CDC42BPA: variants seen among roughly 807,000 people sequenced by gnomAD.
CDC42BPA encodes the protein CDC42 binding protein kinase alpha.
In CDC42BPA, 80 loss-of-function variants were observed where a neutral mutation model predicts 223.5. The ratio of observed to expected loss-of-function variants is 0.36; its 90% confidence interval spans 0.30 to 0.43. The LOEUF (loss-of-function observed/expected upper bound fraction) is 0.43, where lower values mean the gene tolerates loss of function less well. Ranked by LOEUF, CDC42BPA falls within the 20% of genes least tolerant of loss-of-function variation. CDC42BPA has a pLI of 1.00. For synonymous variants in CDC42BPA, 694 were observed against 718.6 expected (o/e 0.97, Z 0.55); for missense variants, 1,743 against 2,099.9 (o/e 0.83, Z 3.32).
At chr1:227,230,537 C>T (rs895706258) in intron 2 of CDC42BPA, among the ~76,000 whole-genome samples, 9 of 152,002 alleles carry the variant, frequency 5.9e-5, no homozygotes, top group African/African-American at 2.2e-4. Context: ...AGATCTTATG[C>T]ATTGTTAGGT....
intron 2 of CDC42BPA, among the ~76,000 whole-genome samples, chr1:227,241,762 G>T (rs889520350): frequency 4.6e-5 from 7 of 152,114 alleles, no homozygotes; most frequent in Admixed American, 2.6e-4. Flanking sequence ...AAACCTCAAG[G>T]AACTGTATAT....
intron 10 of CDC42BPA, among the ~76,000 whole-genome samples, chr1:227,132,452 G>C (rs1479658419): frequency 1.4e-5 from 2 of 144,468 alleles, no homozygotes; most frequent in Non-Finnish European, 3.1e-5. Flanking sequence ...GCCCAGGCTG[G>C]AGTGCAGTGG....
At position 227,043,734 on chromosome 1, in the gene CDC42BPA, G is replaced by A. The variant is rs140400640; in HGVS notation, c.3094-3498C>T. Among the ~76,000 whole-genome samples, 289 of 152,176 alleles carry A rather than the reference G, an allele frequency of 1.9e-3. 2 individuals are homozygous for A. The highest frequency in any genetic ancestry group is 6.5e-3 in the African/African-American group (270 of 41,524). Reference sequence around the variant, plus strand: ...GTATGTGTTTTTAATTTATATAAATGTGTTTCTGTTATATATCAATTACAT... The same window carrying A: ...GTATGTGTTTTTAATTTATATAAATATGTTTCTGTTATATATCAATTACAT... On this transcript the variant is annotated intron_variant, in intron 23 of 36. Transcript: ENST00000366766.
intron 1 of CDC42BPA, among the ~76,000 whole-genome samples, chr1:227,289,169 T>A (rs992366213): frequency 5.3e-5 from 8 of 152,178 alleles, no homozygotes; most frequent in African/African-American, 1.7e-4. Context: ...GTTACCCTTT[T>A]AAAGCATAAA....
chr1:227,175,627 T>C (rs1666820485), intron 5 of CDC42BPA, among the ~76,000 whole-genome samples: 2 of 151,880 alleles, frequency 1.3e-5, no homozygotes, highest in Admixed American at 6.6e-5. Flanking sequence ...ATCTGATGAG[T>C]TTCTATTTCT....
intron 5 of CDC42BPA, among the ~76,000 whole-genome samples, chr1:227,191,065 C>T (rs773444462): frequency 3.9e-5 from 6 of 152,022 alleles, no homozygotes; most frequent in Non-Finnish European, 8.8e-5. Context: ...AATTCAAGGC[C>T]GGGCACGGTG....
At chr1:227,054,881 A>C (rs988571094) in intron 21 of CDC42BPA, among the ~76,000 whole-genome samples, 2 of 152,064 alleles carry the variant, frequency 1.3e-5, no homozygotes, top group African/African-American at 4.8e-5. Context: ...TTTTAGAACT[A>C]TATACTCTTA....
At chr1:227,004,879 C>A in intron 35 of CDC42BPA, 115 bp downstream of exon 35, 1 of 811,948 alleles carries the variant, frequency 1.2e-6, no homozygotes, top group Non-Finnish European at 2.2e-6. Flanking sequence ...ACTGCAGCCA[C>A]TTGAGAATGC....
At chr1:227,029,910 G>A (rs143865151) in intron 29 of CDC42BPA, among the ~76,000 whole-genome samples, 1,565 of 151,756 alleles carry the variant, frequency 0.01, 26 homozygotes, top group African/African-American at 0.036. Flanking sequence ...CAAGGCGGGT[G>A]GATCACCTGA....
chr1:227,001,194 G>T (rs1341252963), intron 35 of CDC42BPA, among the ~76,000 whole-genome samples: 3 of 152,212 alleles, frequency 2.0e-5, no homozygotes, highest in Non-Finnish European at 4.4e-5. Flanking sequence ...AACATAGTTG[G>T]CCTGTTCCTC....
intron 32 of CDC42BPA, among the ~76,000 whole-genome samples, chr1:227,018,350 T>G (rs780145648): frequency 1.3e-5 from 2 of 152,154 alleles, no homozygotes; most frequent in Non-Finnish European, 2.9e-5. Flanking sequence ...CAGGAACACT[T>G]TGACCTCTTA....
At chr1:227,273,708 G>A (rs1398640305) in intron 1 of CDC42BPA, among the ~76,000 whole-genome samples, 1 of 151,974 alleles carries the variant, frequency 6.6e-6, no homozygotes, top group African/African-American at 2.4e-5. Flanking sequence ...GACTGAGACA[G>A]GTAGCACATG....
At chr1:227,261,093 T>C (rs1683957919) in intron 1 of CDC42BPA, among the ~76,000 whole-genome samples, 1 of 146,942 alleles carries the variant, frequency 6.8e-6, no homozygotes, top group South Asian at 2.2e-4. Context: ...TCTTTCATAT[T>C]AAAATTTTTT....
chr1:227,078,657 G>A (rs1040685286), intron 17 of CDC42BPA, among the ~76,000 whole-genome samples: 1 of 152,058 alleles, frequency 6.6e-6, no homozygotes, highest in Admixed American at 6.5e-5. Flanking sequence ...AAAGAGAGAG[G>A]AGGTGGAGTT....
chr1:227,163,147 T>A (rs1344394827), intron 5 of CDC42BPA, among the ~76,000 whole-genome samples: 9 of 151,798 alleles, frequency 5.9e-5, no homozygotes, highest in African/African-American at 1.9e-4. Flanking sequence ...TGTGTATGTT[T>A]CCAAACATAT....
intron 1 of CDC42BPA, among the ~76,000 whole-genome samples, chr1:227,309,219 A>T (rs982970846): frequency 1.4e-3 from 207 of 151,756 alleles, no homozygotes; most frequent in Middle Eastern, 0.01. Context: ...AAAAAAAAAA[A>T]AAATAAGCAA....
intron 1 of CDC42BPA, among the ~76,000 whole-genome samples, chr1:227,278,316 G>C (rs530880610): frequency 6.6e-6 from 1 of 152,098 alleles, no homozygotes; most frequent in South Asian, 2.1e-4. Context: ...TTCAGATTGC[G>C]TATGTGCTTT....
chr1:227,310,827 C>T (rs1167663875), intron 1 of CDC42BPA, among the ~76,000 whole-genome samples: 1 of 151,198 alleles, frequency 6.6e-6, no homozygotes, highest in East Asian at 2.0e-4. Flanking sequence ...GCTGGGACTA[C>T]AGGCACCCGT....
At chr1:227,261,914 C>G (rs1446727000) in intron 1 of CDC42BPA, among the ~76,000 whole-genome samples, 1 of 152,014 alleles carries the variant, frequency 6.6e-6, no homozygotes, top group Non-Finnish European at 1.5e-5. Context: ...TCCATACTGC[C>G]CATGTGGTAA....
Sources: allele counts gnomAD v4.1 joint callset (sites outside exome capture counted in the v4.1 genomes callset), GRCh38; gene constraint gnomAD v4.1.1; transcripts MANE v1.5; gene names NCBI Gene and HGNC (gene_info 2026-07-23, HGNC 2026-07-21).